The following HSF2 variants were observed in gnomAD, a reference collection of about 807,000 sequenced individuals.
HSF2 encodes heat shock transcription factor 2, also known as heat shock factor protein 2.
A neutral mutation model predicts 65.0 loss-of-function variants in HSF2; 21 were observed. The observed-to-expected ratio is 0.32, with a 90% CI of 0.23 to 0.47. The LOEUF is 0.47. HSF2 is among the 20% of genes least tolerant of loss of function. The pLI is 1.00. For missense variants in HSF2, 499 were observed against 628.1 expected, an observed-to-expected ratio of 0.79 and a Z score of 2.20; for synonymous variants, 225 against 219.1, an observed-to-expected ratio of 1.03 and a Z score of -0.24.
chr6:122,411,541 ATTG>A (rs2114430971), intron 1 of HSF2, among the ~76,000 whole-genome samples: 2 of 151,858 alleles, frequency 1.3e-5, no homozygotes, highest in East Asian at 3.9e-4. Context: ...ATGCTCTACT[ATTG>A]TTAAAAGTTT....
chr6:122,422,174 T>A lies in HSF2; in HGVS notation c.706T>A (p.Leu236Ile), dbSNP rs1456784443. The A allele has an allele frequency of 6.2e-7, 1 of 1,606,534 alleles. No individual in the cohort carries two copies. The highest frequency in any genetic ancestry group is 8.5e-7 in the Non-Finnish European group (1 of 1,175,266). Residue 236 changes from leucine (L) to isoleucine (I), a missense_variant, in exon 8 of 13, where the codon TTA (leucine) becomes ATA (isoleucine). By Grantham distance (5) the Leu-to-Ile change is conservative (BLOSUM62 2). Around this residue, in one of 2 missense-constraint regions of HSF2, gnomAD observed 349 missense variants for 393.5 expected, o/e 0.89. Transcript: ENST00000368455. ...GGTTCCACACAGTAGGACTGAAGGT[T>A]TAAAGCCAAGGGAGAGGATTTCAGA... ...HKVPHSRTEG[L>I]KPRERISDDI...
chr6:122,418,686 G>T (rs544368004), intron 5 of HSF2, among the ~76,000 whole-genome samples: 1 of 152,104 alleles, frequency 6.6e-6, no homozygotes, highest in African/African-American at 2.4e-5. Context: ...TGCCCAGGCT[G>T]GTCTCCGACT....
At chr6:122,422,587 G>C (rs1443273093) in intron 8 of HSF2, 131 bp from the exon 9 acceptor site, 1 of 914,000 alleles carries the variant, frequency 1.1e-6, no homozygotes, top group Non-Finnish European at 1.7e-6. Flanking sequence ...TTGTGATTAA[G>C]CTGCTCGCTC....
intron 5 of HSF2, among the ~76,000 whole-genome samples, chr6:122,417,595 G>A (rs986945842): frequency 9.9e-5 from 15 of 152,130 alleles, no homozygotes; most frequent in African/African-American, 3.6e-4. Context: ...GATTAATTGA[G>A]AATAATATGT....
intron 10 of HSF2, among the ~76,000 whole-genome samples, chr6:122,425,295 C>T (rs149198579): frequency 2.9e-4 from 44 of 152,114 alleles, no homozygotes; most frequent in Admixed American, 9.2e-4. Context: ...TCAAACTCTG[C>T]ACTGCCTGTG....
At chr6:122,400,903 T>C (rs949439152) in intron 1 of HSF2, among the ~76,000 whole-genome samples, 3 of 152,208 alleles carry the variant, frequency 2.0e-5, no homozygotes, top group Admixed American at 6.5e-5. Context: ...ACCTGTTAAG[T>C]GCTGAGTAAA....
intron 7 of HSF2, among the ~76,000 whole-genome samples, chr6:122,420,756 G>A (rs1298809182): frequency 3.8e-5 from 4 of 104,494 alleles, no homozygotes; most frequent in Admixed American, 1.6e-4. Context: ...CTGTCACCCA[G>A]CCTGGAGTGC....
At chr6:122,416,089 T>C in intron 4 of HSF2, 132 bp from the exon 5 acceptor site, 1 of 574,788 alleles carries the variant, frequency 1.7e-6, no homozygotes, top group Non-Finnish European at 3.1e-6. Flanking sequence ...ACCAAAGTTT[T>C]CTTGGTCTCA....
At chr6:122,426,108 C>G (rs1327250535) in intron 10 of HSF2, among the ~76,000 whole-genome samples, 1 of 152,038 alleles carries the variant, frequency 6.6e-6, no homozygotes, top group Non-Finnish European at 1.5e-5. Flanking sequence ...TCTGTTTTCA[C>G]TATTGCTTTT....
chr6:122,409,220 T>G (rs1371564242), intron 1 of HSF2, among the ~76,000 whole-genome samples: 1 of 151,906 alleles, frequency 6.6e-6, no homozygotes, highest in Non-Finnish European at 1.5e-5. Context: ...GATAAGAGAC[T>G]CAACAGTGTT....
chr6:122,400,361 A>G (rs1202256052), intron 1 of HSF2, among the ~76,000 whole-genome samples: 3 of 152,206 alleles, frequency 2.0e-5, no homozygotes, highest in African/African-American at 4.8e-5. Flanking sequence ...AGTCAGGGCA[A>G]TAGACATACG....
rs1374828039 is a variant in HSF2, at chr6:122,422,699, T to C, written c.831-19T>C. ...AAATTTGAAAATGTAATAGGTTCCT[T>C]CTTTTATTGCTGATTTAGCTGTAGC... On this transcript the variant is annotated intron_variant, in intron 8 of 12. Transcript: ENST00000368455. 3 of 1,610,992 alleles carry C rather than the reference T, an allele frequency of 1.9e-6. No homozygotes were observed. Among genetic ancestry groups the C allele is most frequent in the South Asian group, 2.2e-5 (2 of 90,990 alleles).
chr6:122,410,358 A>G (rs1472234671), intron 1 of HSF2, among the ~76,000 whole-genome samples: 1 of 151,824 alleles, frequency 6.6e-6, no homozygotes, highest in East Asian at 1.9e-4. Flanking sequence ...ATTTTTAGAT[A>G]CTTAACATTT....
At chr6:122,413,350 G>T (rs978324368) in intron 3 of HSF2, among the ~76,000 whole-genome samples, 175 bp from the exon 4 acceptor site, 1 of 151,726 alleles carries the variant, frequency 6.6e-6, no homozygotes, top group South Asian at 2.1e-4. Context: ...TATTCCTTGC[G>T]TTCTCTCCCA....
chr6:122,402,022 TAAAG>T (rs1180775534), intron 1 of HSF2, among the ~76,000 whole-genome samples: 1 of 152,218 alleles, frequency 6.6e-6, no homozygotes, highest in African/African-American at 2.4e-5. Context: ...TAAAGTTTCT[TAAAG>T]AAACATGAGA....
intron 10 of HSF2, among the ~76,000 whole-genome samples, chr6:122,424,431 C>A (rs1224957968): frequency 6.6e-6 from 1 of 151,946 alleles, no homozygotes; most frequent in East Asian, 1.9e-4. Flanking sequence ...GTGTTTCTTT[C>A]CTTACATTGC....
intron 1 of HSF2, among the ~76,000 whole-genome samples, chr6:122,410,058 A>G (rs777508108): frequency 3.2e-4 from 48 of 151,934 alleles, no homozygotes; most frequent in Non-Finnish European, 6.2e-4. Flanking sequence ...TGTTAACACT[A>G]TAATTTTATA....
chr6:122,421,397 TAATC>T (rs762977669), intron 7 of HSF2, among the ~76,000 whole-genome samples: 11 of 152,240 alleles, frequency 7.2e-5, no homozygotes, highest in Non-Finnish European at 1.2e-4. Context: ...TGTTAGAAAA[TAATC>T]AAGCATACCT....
chr6:122,402,677 C>A (rs12525199), intron 1 of HSF2, among the ~76,000 whole-genome samples: 13,887 of 151,782 alleles, frequency 0.091, 758 homozygotes, highest in South Asian at 0.15. Flanking sequence ...CTCAGCGTCT[C>A]GAGTAGTTGT....
Sources: gnomAD v4.1 joint callset for allele counts (sites outside exome capture counted in the v4.1 genomes callset) on GRCh38, gnomAD v4.1.1 for gene constraint, gnomAD v4.1.1 regional missense constraint, MANE v1.5 for transcripts, NCBI Gene and HGNC (gene_info 2026-07-23, HGNC 2026-07-21) for gene names.